The following EPHA5 variants were observed in gnomAD, a reference collection of about 807,000 sequenced individuals.
EPHA5 encodes EPH receptor A5.
EPHA5 carries 60 observed loss-of-function variants against 105.0 expected under a neutral mutation model. The observed-to-expected ratio is 0.57, with a 90% confidence interval of 0.46 to 0.71. The LOEUF (loss-of-function observed/expected upper bound fraction) is 0.71. Ranked by LOEUF, EPHA5 falls within the 30% of genes least tolerant of loss-of-function variation. EPHA5 has a pLI of 0.00. For missense variants in EPHA5, 1,218 were observed against 1,274.7 expected, an observed-to-expected ratio of 0.96 and a Z score of 0.68; for synonymous variants, 513 against 449.1, an observed-to-expected ratio of 1.14 and a Z score of -1.80.
chr4:65,536,764 T>G (rs990933292), intron 3 of EPHA5, among the ~76,000 whole-genome samples: 1 of 144,610 alleles, frequency 6.9e-6, no homozygotes, highest in Non-Finnish European at 1.5e-5. Context: ...AAAAAAAAAT[T>G]CACTGTTCCT....
chr4:65,500,313 G>A (rs147419343), intron 3 of EPHA5, among the ~76,000 whole-genome samples: 250 of 151,266 alleles, frequency 1.7e-3, no homozygotes, highest in African/African-American at 5.5e-3. Flanking sequence ...TGTTTCATGA[G>A]ACTATTGTGA....
intron 3 of EPHA5, among the ~76,000 whole-genome samples, chr4:65,571,730 C>A (rs1474123862): frequency 6.6e-6 from 1 of 151,882 alleles, no homozygotes; most frequent in Non-Finnish European, 1.5e-5. Context: ...TCACAAGGGG[C>A]TTGTTTTTGT....
chr4:65,500,072 T>A (rs1050786882), intron 3 of EPHA5, among the ~76,000 whole-genome samples: 1 of 151,270 alleles, frequency 6.6e-6, no homozygotes, highest in African/African-American at 2.4e-5. Context: ...AGAGGCAAAA[T>A]TGATATTTTA....
chr4:65,476,233 T>C (rs1022570724), intron 5 of EPHA5, among the ~76,000 whole-genome samples: 1 of 151,162 alleles, frequency 6.6e-6, no homozygotes, highest in African/African-American at 2.4e-5. Context: ...TCCATGAAAA[T>C]GCATTGTAAC....
chr4:65,605,726 T>C (rs1025706812), intron 2 of EPHA5, among the ~76,000 whole-genome samples: 2 of 151,336 alleles, frequency 1.3e-5, no homozygotes, highest in African/African-American at 4.9e-5. Context: ...AAAAAAAAAA[T>C]GGCACTGTAT....
intron 8 of EPHA5, among the ~76,000 whole-genome samples, chr4:65,395,967 A>C (rs1721190248): frequency 6.6e-6 from 1 of 151,920 alleles, no homozygotes; most frequent in African/African-American, 2.4e-5. Flanking sequence ...ATGGATGGAA[A>C]CCCACCCCCT....
rs1750012218 is a variant in EPHA5 at position 65,666,895 on chromosome 4, A to G, written c.181+2667T>C. On this transcript the variant is annotated intron_variant, in intron 1 of 16. Coordinates refer to ENST00000613740, the MANE Select transcript of EPHA5 (RefSeq NM_001281766.3). ...ACAAAGTTAAATTTAAGAAATGACT[A>G]GAATAGCAGCTATGAATATACACTT... Among the ~76,000 whole-genome samples, 3 of 152,172 alleles carry G rather than the reference A, an allele frequency of 2.0e-5. No individual in the cohort carries two copies. In the South Asian group the frequency reaches 6.2e-4, roughly 32 times the overall value.
chr4:65,442,009 A>G (rs1156956820), intron 5 of EPHA5, among the ~76,000 whole-genome samples: 3 of 152,120 alleles, frequency 2.0e-5, no homozygotes, highest in African/African-American at 7.2e-5. Context: ...AAAGACTTAG[A>G]TGCTATTATT....
chr4:65,664,572 A>G (rs998119831), intron 1 of EPHA5, among the ~76,000 whole-genome samples: 1 of 151,978 alleles, frequency 6.6e-6, no homozygotes, highest in East Asian at 1.9e-4. Context: ...TAACTATCCC[A>G]TTAGGTATAT....
At position 65,618,102 on chromosome 4, in the gene EPHA5, G is replaced by T. The variant is rs7682044; in HGVS notation, c.247-15798C>A. 8.8e-3 allele frequency among the ~76,000 whole-genome samples: 1,339 copies of T among 152,106 alleles called. 23 individuals carry two copies. The highest frequency in any genetic ancestry group is 0.031 in the African/African-American group (1,286 of 41,512). On this transcript the variant is annotated intron_variant, in intron 2 of 16. Transcript: ENST00000613740. The stretch of plus-strand genomic sequence containing the variant: ...CAGGGAACAAGACCTAATTAGTTGG[G>T]CTAAATGTAAAGTTCAAACACTGGG...
At chr4:65,343,324 T>G (rs1021221999) in intron 14 of EPHA5, among the ~76,000 whole-genome samples, 4 of 152,236 alleles carry the variant, frequency 2.6e-5, no homozygotes, top group Middle Eastern at 3.4e-3. Flanking sequence ...TTTATTTTCA[T>G]TATTGTCATT....
intron 8 of EPHA5, among the ~76,000 whole-genome samples, chr4:65,369,892 A>T (rs1718286445): frequency 6.6e-6 from 1 of 152,094 alleles, no homozygotes; most frequent in South Asian, 2.1e-4. Context: ...GCTTGAATCC[A>T]GGAGCCGGAG....
intron 5 of EPHA5, among the ~76,000 whole-genome samples, chr4:65,471,234 T>A (rs1348531195): frequency 6.6e-6 from 1 of 152,192 alleles, no homozygotes; most frequent in South Asian, 2.1e-4. Context: ...AAAACAGACA[T>A]AAATCTCATA....
chr4:65,423,438 G>A (rs1049332340), intron 5 of EPHA5, among the ~76,000 whole-genome samples: 4 of 151,810 alleles, frequency 2.6e-5, no homozygotes, highest in Non-Finnish European at 4.4e-5. Flanking sequence ...TCTTGATGGT[G>A]GAATATCTAC....
chr4:65,323,450 T>C lies in EPHA5; in HGVS notation c.*664A>G. 4.3e-6 allele frequency: 1 copy of C among 230,130 alleles called. No homozygotes were observed. The highest frequency in any genetic ancestry group is 8.6e-6 in the Non-Finnish European group (1 of 116,058). The allele number at this position is 230,130 out of a possible 1,614,324, so 14.3% of individuals were successfully genotyped here. A position where few individuals can be genotyped will look rare whatever the true frequency, so the allele number is the denominator to read the frequency against. On this transcript the variant is annotated 3_prime_UTR_variant, in exon 17 of 17. Transcript: ENST00000613740. ...TTGCAAATTATACAGTATATACACA[T>C]TTATTACCTAATAATCTCTAGAAGA...
chr4:65,331,570 C>A, intron 16 of EPHA5: 7 of 1,058,494 alleles, frequency 6.6e-6, no homozygotes, highest in Non-Finnish European at 8.0e-6. Flanking sequence ...CCAAAATGTA[C>A]AAATATGTTT....
chr4:65,614,976 T>C (rs1228899719), intron 2 of EPHA5, among the ~76,000 whole-genome samples: 1 of 151,840 alleles, frequency 6.6e-6, no homozygotes, highest in African/African-American at 2.4e-5. Context: ...TAGTAATTGT[T>C]ATATGGAGTT....
chr4:65,375,799 A>G (rs1224132502), intron 8 of EPHA5, among the ~76,000 whole-genome samples: 1 of 151,722 alleles, frequency 6.6e-6, no homozygotes, highest in Non-Finnish European at 1.5e-5. Context: ...ACACACACAC[A>G]CACACACACA....
chr4:65,542,866 T>C (rs1004175270), intron 3 of EPHA5, among the ~76,000 whole-genome samples: 1 of 152,010 alleles, frequency 6.6e-6, no homozygotes, highest in African/African-American at 2.4e-5. Flanking sequence ...ATGAAAAAGA[T>C]TATCACTATG....
Sources: gnomAD v4.1 joint callset for allele counts (sites outside exome capture counted in the v4.1 genomes callset) on GRCh38, gnomAD v4.1.1 for gene constraint, MANE v1.5 for transcripts, NCBI Gene and HGNC (gene_info 2026-07-23, HGNC 2026-07-21) for gene names.